AGTPBP1: variants seen among roughly 807,000 people sequenced by gnomAD.
The protein encoded by AGTPBP1 is cytosolic carboxypeptidase 1.
A neutral mutation model predicts 143.9 loss-of-function variants in AGTPBP1; 70 were observed. That is an observed-to-expected ratio of 0.49 (90% CI 0.40 to 0.59). AGTPBP1 has a LOEUF of 0.59. Ranked by LOEUF, AGTPBP1 falls within the 20% of genes least tolerant of loss-of-function variation. The pLI, the probability that AGTPBP1 is intolerant of heterozygous loss-of-function variation, is 0.00. For synonymous variants in AGTPBP1, 463 were observed against 500.2 expected (o/e 0.93, Z 0.99); for missense variants, 1,229 against 1,464.5 (o/e 0.84, Z 2.62).
At chr9:85,630,161 T>C (rs1165452267) in intron 14 of AGTPBP1, among the ~76,000 whole-genome samples, 3 of 152,242 alleles carry the variant, frequency 2.0e-5, no homozygotes, top group Non-Finnish European at 4.4e-5. Flanking sequence ...ATCAAGTTGC[T>C]GCCTGACTCT....
At chr9:85,586,760 C>A in intron 22 of AGTPBP1, 71 bp downstream of exon 22, 1 of 1,535,834 alleles carries the variant, frequency 6.5e-7, no homozygotes, top group Non-Finnish European at 8.9e-7. Flanking sequence ...GATTATCACA[C>A]AAGTGCTTGA....
the AGTPBP1 span, among the ~76,000 whole-genome samples, chr9:85,789,448 G>A: frequency 1.3e-5 from 2 of 151,510 alleles, no homozygotes; most frequent in Non-Finnish European, 2.9e-5. Context: ...TGTTCATTAC[G>A]TTCTTTTTTC....
At chr9:85,667,899 A>T (rs943171965) in intron 8 of AGTPBP1, among the ~76,000 whole-genome samples, 1 of 139,698 alleles carries the variant, frequency 7.2e-6, no homozygotes, top group Admixed American at 7.3e-5. Context: ...AAGCAAGCCA[A>T]CTGTAAAAAA....
chr9:85,767,345 C>G, the AGTPBP1 span, among the ~76,000 whole-genome samples: 1 of 140,454 alleles, frequency 7.1e-6, no homozygotes, highest in Non-Finnish European at 1.5e-5. Flanking sequence ...CCATGCCCAG[C>G]TAATTTTTTT....
chr9:85,686,774 C>T (rs2134209260), intron 3 of AGTPBP1, among the ~76,000 whole-genome samples: 1 of 152,014 alleles, frequency 6.6e-6, no homozygotes, highest in Middle Eastern at 3.4e-3. Context: ...CATTTTAATC[C>T]CTATAGGAAC....
chr9:85,756,317 A>G, the AGTPBP1 span: 2 of 1,424,820 alleles, frequency 1.4e-6, no homozygotes, highest in East Asian at 2.6e-5. Context: ...TAGGATGGCT[A>G]TAATCAGAAA....
chr9:85,564,851 T>G (rs1016830222), intron 25 of AGTPBP1, among the ~76,000 whole-genome samples: 4 of 152,230 alleles, frequency 2.6e-5, no homozygotes. Flanking sequence ...GAGTTAATGT[T>G]GGAATAAGCG....
At chr9:85,654,914 T>C (rs1237691072) in intron 11 of AGTPBP1, among the ~76,000 whole-genome samples, 1 of 152,170 alleles carries the variant, frequency 6.6e-6, no homozygotes, top group Non-Finnish European at 1.5e-5. Flanking sequence ...GCTTAATTAT[T>C]TCACAATTCA....
At chr9:85,572,011 T>C (rs890909658) in intron 25 of AGTPBP1, among the ~76,000 whole-genome samples, 1 of 15,624 alleles carries the variant, frequency 6.4e-5, no homozygotes, top group South Asian at 4.1e-3. Flanking sequence ...TGTGTTTTTT[T>C]TTTTTTTTTT....
chr9:85,726,063 A>G (rs1446286868), intron 1 of AGTPBP1, among the ~76,000 whole-genome samples: 1 of 148,200 alleles, frequency 6.7e-6, no homozygotes, highest in Non-Finnish European at 1.5e-5. Flanking sequence ...TCTCAAAAAA[A>G]AAAAAAAAAA....
chr9:85,621,768 T>C (rs1830952951), intron 14 of AGTPBP1, among the ~76,000 whole-genome samples: 1 of 152,208 alleles, frequency 6.6e-6, no homozygotes, highest in South Asian at 2.1e-4. Context: ...CTCCTCTCTT[T>C]TGTGGTGGGA....
At position 85,632,644 on chromosome 9, in the gene AGTPBP1, A is replaced by G. The variant is rs146480868; in HGVS notation, c.2015+18T>C. 1.8e-4 allele frequency: 279 copies of G among 1,549,990 alleles called. 1 individual carries two copies. The East Asian group carries it at 6.3e-3, about 35-fold the overall frequency. ...GACAATAGCCTTATTTAGAAGAGGGAAGAAATATGCAACTCACCTTTGTAC... is the reference window on the plus strand; with the variant it reads ...GACAATAGCCTTATTTAGAAGAGGGGAGAAATATGCAACTCACCTTTGTAC... On this transcript the variant is annotated intron_variant, in intron 14 of 25. Transcript: ENST00000357081.
At chr9:85,691,536 GGTGTGTGT>G (rs58713865) in intron 3 of AGTPBP1, among the ~76,000 whole-genome samples, 11 of 144,544 alleles carry the variant, frequency 7.6e-5, no homozygotes, top group South Asian at 2.2e-4. Context: ...AAAAAAAGAG[GGTGTGTGT>G]GTGTGTGTGT....
At chr9:85,587,347 T>C (rs1828678523) in intron 21 of AGTPBP1, among the ~76,000 whole-genome samples, 1 of 152,198 alleles carries the variant, frequency 6.6e-6, no homozygotes, top group Non-Finnish European at 1.5e-5. Flanking sequence ...ATATCTTGAC[T>C]TCATCAATTA....
chr9:85,753,767 TAGA>T, the AGTPBP1 span, among the ~76,000 whole-genome samples: 5 of 139,120 alleles, frequency 3.6e-5, no homozygotes, highest in Non-Finnish European at 8.0e-5. Flanking sequence ...AATAGATAGA[TAGA>T]TAGATAGATA....
intron 17 of AGTPBP1, among the ~76,000 whole-genome samples, chr9:85,602,293 G>A (rs1001895617): frequency 2.0e-5 from 3 of 152,100 alleles, no homozygotes; most frequent in Admixed American, 2.0e-4. Flanking sequence ...TAACAAAACA[G>A]ATATCATTTT....
intron 13 of AGTPBP1, among the ~76,000 whole-genome samples, chr9:85,636,760 G>A (rs185557377): frequency 5.1e-4 from 78 of 152,186 alleles, no homozygotes; most frequent in Middle Eastern, 3.4e-3. Flanking sequence ...AAAACAAAAC[G>A]CAGTAACTGA....
intron 8 of AGTPBP1, among the ~76,000 whole-genome samples, chr9:85,664,649 A>T (rs1389700548): frequency 1.3e-5 from 2 of 151,856 alleles, no homozygotes; most frequent in Non-Finnish European, 1.5e-5. Context: ...AACTAAGTAA[A>T]CCCCTCTTCC....
In AGTPBP1 at chr9:85,677,536, T is replaced by C. The variant is rs1420843590; in HGVS notation, c.336A>G (p.Gln112=). 6.2e-7 allele frequency: 1 copy of C among 1,600,970 alleles called. No individual in the cohort carries two copies. The highest frequency in any genetic ancestry group is 8.5e-7 in the Non-Finnish European group (1 of 1,174,020). Residue 112 remains glutamine, a synonymous_variant, in exon 6 of 26, where the codon CAA becomes CAG. Transcript: ENST00000357081. ...VSFLVTKGGS[Q]ILLQLLMNAS... is the part of the protein sequence containing the mutation. ...CATTCATAAGTAACTGCAACAATAT[T>C]TGTGAACCACCTTTGGTGACTAAGA... is the stretch of plus-strand genomic sequence containing the variant.
Sources: allele counts gnomAD v4.1 joint callset (sites outside exome capture counted in the v4.1 genomes callset), GRCh38; gene constraint gnomAD v4.1.1; transcripts MANE v1.5; gene names NCBI Gene and HGNC (gene_info 2026-07-23, HGNC 2026-07-21).